LGR4: variants seen among roughly 807,000 people sequenced by gnomAD.
The protein encoded by LGR4 is leucine-rich repeat-containing G protein-coupled receptor 4.
In LGR4, 44 loss-of-function variants were observed where a neutral mutation model predicts 84.8. The observed-to-expected ratio is 0.52, with a 90% CI of 0.41 to 0.67. LGR4 has a LOEUF of 0.67. LGR4 is among the 30% of genes least tolerant of loss of function. The probability of loss-of-function intolerance (pLI) is 0.00; values close to 1 mark genes in which losing one functional copy is unlikely to be tolerated. For synonymous variants in LGR4, 429 were observed against 434.3 expected (o/e 0.99, Z 0.15); for missense variants, 1,032 against 1,131.4 (o/e 0.91, Z 1.26).
intron 2 of LGR4, among the ~76,000 whole-genome samples, chr11:27,399,417 G>A (rs927908768): frequency 6.6e-6 from 1 of 152,014 alleles, no homozygotes; most frequent in South Asian, 2.1e-4. Flanking sequence ...AGCATTTCTA[G>A]TTCAAAACTG....
At chr11:27,424,888 T>C (rs1590383125) in intron 1 of LGR4, among the ~76,000 whole-genome samples, 2 of 152,096 alleles carry the variant, frequency 1.3e-5, no homozygotes, top group Non-Finnish European at 2.9e-5. Context: ...GTTGGGATTA[T>C]AGGCACGTGC....
At chr11:27,464,732 A>T (rs961101113) in intron 1 of LGR4, among the ~76,000 whole-genome samples, 2 of 152,160 alleles carry the variant, frequency 1.3e-5, no homozygotes, top group African/African-American at 4.8e-5. Flanking sequence ...AATTTCCCCA[A>T]ATAGAACTTT....
chr11:27,463,561 G>A (rs971576728), intron 1 of LGR4, among the ~76,000 whole-genome samples: 52 of 151,938 alleles, frequency 3.4e-4, no homozygotes, highest in Non-Finnish European at 6.2e-4. Context: ...TGAGGCGGGC[G>A]GATCACCTGA....
intron 1 of LGR4, among the ~76,000 whole-genome samples, chr11:27,447,179 T>TATAATAATA (rs573204253): frequency 6.6e-6 from 1 of 151,660 alleles, no homozygotes; most frequent in Non-Finnish European, 1.5e-5. Context: ...GAACTTAAAG[T>TATAATAATA]ATAATAATAA....
rs530744968 is a variant in LGR4, at chr11:27,467,656, C to G, written c.185+4462G>C. Among the ~76,000 whole-genome samples the G allele has an allele frequency of 1.1e-4, 16 of 151,914 alleles. No homozygotes were observed. In the South Asian group the frequency reaches 3.3e-3, roughly 32 times the overall value. On this transcript the variant is annotated intron_variant, in intron 1 of 17. Transcript: ENST00000379214. Reference sequence around the variant, plus strand: ...GTTGTTGACTTGTTTTACAGATTTACAGATGAGGAAAATAAGGTCCTGAAG... The same window carrying G: ...GTTGTTGACTTGTTTTACAGATTTAGAGATGAGGAAAATAAGGTCCTGAAG...
At position 27,368,257 on chromosome 11, in the gene LGR4, T is replaced by G; in HGVS notation, c.2466A>C (p.Lys822Asn). ...WKLLKRRVTK[K>N]SGSVSVSISS... ...TGATGGAAACTGAAACTGATCCACT[T>G]TTCTTGGTAACACGTCGCTTCAGTA... Residue 822 changes from lysine to asparagine, a missense_variant, in exon 18 of 18, where the codon AAA becomes AAC. Coordinates refer to ENST00000379214, the MANE Select transcript of LGR4 (RefSeq NM_018490.5). 1 of 1,614,240 alleles carries G rather than the reference T, an allele frequency of 6.2e-7. No homozygotes were observed.
At position 27,406,012 on chromosome 11, in the gene LGR4, C is replaced by T. The variant is rs566666707; in HGVS notation, c.257+6777G>A. 2.4e-4 allele frequency among the ~76,000 whole-genome samples: 37 copies of T among 152,242 alleles called. 1 individual carries two copies. Among genetic ancestry groups the T allele is most frequent in the African/African-American group, 8.7e-4 (36 of 41,546 alleles). On this transcript the variant is annotated intron_variant, in intron 2 of 17. Transcript: ENST00000379214. ...GTCCTTAGTCTAGCCCTAAGCTCTG[C>T]GTATCTTTTCCATAACTTCCTTTCA... is the stretch of plus-strand genomic sequence containing the variant.
Position 27,376,318 on chromosome 11 carries a change from G to A in LGR4, c.1162C>T (p.Leu388=). 1 of 1,579,824 alleles carries A rather than the reference G, an allele frequency of 6.3e-7. No homozygotes were observed. ...YQIKEGTFQG[L]ISLRILDLSR... ...ACTTACAGAATCCTTAGAGATATCA[G>A]GCCTTGAAAGGTGCCTTCCTTTATT... The change falls in exon 13 of 18, where the codon CTG becomes TTG. Residue 388 remains leucine, a synonymous_variant. Transcript: ENST00000379214.
At chr11:27,466,328 T>C (rs1212561735) in intron 1 of LGR4, among the ~76,000 whole-genome samples, 1 of 152,246 alleles carries the variant, frequency 6.6e-6, no homozygotes, top group African/African-American at 2.4e-5. Flanking sequence ...CTTTACTTAA[T>C]ATTCTACTCA....
intron 1 of LGR4, among the ~76,000 whole-genome samples, chr11:27,424,210 T>G (rs2133412789): frequency 6.6e-6 from 1 of 152,172 alleles, no homozygotes; most frequent in Middle Eastern, 3.4e-3. Flanking sequence ...TTCACTTACA[T>G]ACACACACAC....
In LGR4 at chr11:27,377,524, G is replaced by T. The variant is rs2472627; in HGVS notation, c.1044-301C>A. Reference sequence around the variant, plus strand: ...TAACATAAATATATAAAATTAAATAGGCAAATATAGAAAAATATACAAAAT... The same window carrying T: ...TAACATAAATATATAAAATTAAATATGCAAATATAGAAAAATATACAAAAT... On this transcript the variant is annotated intron_variant, in intron 11 of 17. Coordinates refer to ENST00000379214, the MANE Select transcript of LGR4 (RefSeq NM_018490.5). 0.99 allele frequency among the ~76,000 whole-genome samples: 149,324 copies of T among 151,508 alleles called. 73,619 individuals are homozygous for T. Among genetic ancestry groups the T allele is most frequent in the East Asian group, 1 (5,174 of 5,174 alleles).
At chr11:27,390,809 C>T (rs1863270482) in intron 4 of LGR4, among the ~76,000 whole-genome samples, 1 of 152,142 alleles carries the variant, frequency 6.6e-6, no homozygotes, top group African/African-American at 2.4e-5. Flanking sequence ...ACACACATAA[C>T]TGGTTCCAAA....
chr11:27,448,079 G>A (rs1371357085), intron 1 of LGR4, among the ~76,000 whole-genome samples: 2 of 152,130 alleles, frequency 1.3e-5, no homozygotes, highest in African/African-American at 2.4e-5. Flanking sequence ...AACTACTTAT[G>A]TATGAAATTA....
Position 27,472,311 on chromosome 11 carries a change from C to CCGCCTCCCGCGCCGG in LGR4, c.-24_-10dup, listed in dbSNP as rs1230795432. The CCGCCTCCCGCGCCGG allele has an allele frequency of 1.4e-4, 169 of 1,199,104 alleles. No individual in the cohort carries two copies. The African/African-American group carries it at 2.4e-3, about 17-fold the overall frequency. 74.3% of individuals were successfully genotyped at this position (1,199,104 alleles called of 1,614,324 possible). ...CCTAGCGGGCCCGGCATTGCTGCGG[C>CCGCCTCCCGCGCCGG]CGCCTCCCGCGCCGGCCTCTCCCGC... On this transcript the variant is annotated 5_prime_UTR_variant, in exon 1 of 18. Coordinates refer to ENST00000379214, the MANE Select transcript of LGR4 (RefSeq NM_018490.5).
chr11:27,410,808 A>G (rs951841273), intron 2 of LGR4, among the ~76,000 whole-genome samples: 1 of 152,096 alleles, frequency 6.6e-6, no homozygotes, highest in Admixed American at 6.6e-5. Context: ...CATGGGTTTC[A>G]TTACTATGAT....
chr11:27,386,511 G>A (rs1863190925), intron 4 of LGR4, among the ~76,000 whole-genome samples: 3 of 152,282 alleles, frequency 2.0e-5, no homozygotes, highest in Middle Eastern at 6.8e-3. Context: ...CAAAATGCCT[G>A]CATCTTTTTA....
chr11:27,444,103 A>AC (rs1864348500), intron 1 of LGR4, among the ~76,000 whole-genome samples: 1 of 151,956 alleles, frequency 6.6e-6, no homozygotes. Flanking sequence ...AGAAAAAAAA[A>AC]ATAGCAGGGA....
At chr11:27,392,714 T>G (rs1295050705) in intron 2 of LGR4, among the ~76,000 whole-genome samples, 196 bp from the exon 3 acceptor site, 1 of 152,184 alleles carries the variant, frequency 6.6e-6, no homozygotes, top group Non-Finnish European at 1.5e-5. Flanking sequence ...CTCTAGAATT[T>G]TTTTTTAAGT....
intron 1 of LGR4, among the ~76,000 whole-genome samples, chr11:27,452,906 T>G (rs958955332): frequency 2.6e-5 from 4 of 152,092 alleles, no homozygotes; most frequent in African/African-American, 9.7e-5. Flanking sequence ...ATCAATAGTT[T>G]GTATACTTCT....
Sources: gnomAD v4.1 joint callset for allele counts (sites outside exome capture counted in the v4.1 genomes callset) on GRCh38, gnomAD v4.1.1 for gene constraint, MANE v1.5 for transcripts, NCBI Gene and HGNC (gene_info 2026-07-23, HGNC 2026-07-21) for gene names.